The following BMAL1 variants were observed in gnomAD, a reference collection of about 807,000 sequenced individuals.
BMAL1 encodes basic helix-loop-helix ARNT like 1.
the BMAL1 span, among the ~76,000 whole-genome samples, chr11:13,333,935 A>T: frequency 6.6e-6 from 1 of 152,148 alleles, no homozygotes; most frequent in Admixed American, 6.5e-5. Flanking sequence ...CACAAGGTTT[A>T]TGTTCTCCAG....
chr11:13,280,935 G>T, the BMAL1 span, among the ~76,000 whole-genome samples: 29 of 152,182 alleles, frequency 1.9e-4, no homozygotes, highest in Non-Finnish European at 3.7e-4. Context: ...GGGCTCTGGT[G>T]GCAGAAGAAT....
At chr11:13,313,960 C>T in the BMAL1 span, among the ~76,000 whole-genome samples, 389 of 145,412 alleles carry the variant, frequency 2.7e-3, no homozygotes, top group Non-Finnish European at 4.0e-3. Flanking sequence ...TAGCTACCAA[C>T]AGCCATCACC....
chr11:13,320,643 A>G, the BMAL1 span, among the ~76,000 whole-genome samples: 3 of 152,244 alleles, frequency 2.0e-5, no homozygotes, highest in Non-Finnish European at 4.4e-5. Flanking sequence ...TAAACAGTGT[A>G]TAAATATGAG....
At chr11:13,368,281 A>G in the BMAL1 span, among the ~76,000 whole-genome samples, 1 of 152,262 alleles carries the variant, frequency 6.6e-6, no homozygotes, top group Non-Finnish European at 1.5e-5. Context: ...AAGGACAGGC[A>G]TCACTGAGTA....
the BMAL1 span, among the ~76,000 whole-genome samples, chr11:13,280,334 C>T: frequency 6.6e-6 from 1 of 152,242 alleles, no homozygotes; most frequent in African/African-American, 2.4e-5. Context: ...TATCCCTTCA[C>T]ACCAACAATC....
chr11:13,355,359 T>C, the BMAL1 span: 16 of 1,488,356 alleles, frequency 1.1e-5, no homozygotes, highest in Admixed American at 6.7e-5. Context: ...GTATGAGGGC[T>C]GTGAGGGCGT....
chr11:13,291,817 A>G, the BMAL1 span, among the ~76,000 whole-genome samples: 1 of 152,232 alleles, frequency 6.6e-6, no homozygotes, highest in African/African-American at 2.4e-5. Flanking sequence ...ACTCTGTATG[A>G]TACAGAATAC....
At chr11:13,334,904 C>T in the BMAL1 span, among the ~76,000 whole-genome samples, 4 of 152,248 alleles carry the variant, frequency 2.6e-5, no homozygotes, top group Non-Finnish European at 4.4e-5. Context: ...CAGCCATACA[C>T]TGACAGGGCC....
the BMAL1 span, chr11:13,378,463 G>T: frequency 6.2e-7 from 1 of 1,601,996 alleles, no homozygotes; most frequent in Non-Finnish European, 8.5e-7. Context: ...ACACCTTCTA[G>T]TTCCTCTGTT....
chr11:13,286,638 C>T, the BMAL1 span, among the ~76,000 whole-genome samples: 61 of 152,284 alleles, frequency 4.0e-4, no homozygotes, highest in Middle Eastern at 3.4e-3. Flanking sequence ...AGCAGTTCCC[C>T]ATGTGCAGAG....
the BMAL1 span, chr11:13,386,694 T>C: frequency 6.2e-7 from 1 of 1,614,188 alleles, no homozygotes; most frequent in African/African-American, 1.3e-5. Context: ...CATGAGCCTC[T>C]TGGAAGCAGA....
the BMAL1 span, among the ~76,000 whole-genome samples, chr11:13,311,008 C>T: frequency 1.9e-4 from 29 of 152,118 alleles, no homozygotes; most frequent in Admixed American, 1.8e-3. Flanking sequence ...GAACCAATAG[C>T]GTTTTCAGTC....
At chr11:13,356,884 G>T in the BMAL1 span, 1 of 1,597,784 alleles carries the variant, frequency 6.3e-7, no homozygotes, top group Non-Finnish European at 8.5e-7. Context: ...AACTGGAGAT[G>T]AGCAAGGAGG....
the BMAL1 span, among the ~76,000 whole-genome samples, chr11:13,328,627 A>G: frequency 6.6e-6 from 1 of 152,244 alleles, no homozygotes; most frequent in Non-Finnish European, 1.5e-5. Context: ...CTATGCTGCC[A>G]GTGTCCTCTG....
chr11:13,297,472 C>T, the BMAL1 span, among the ~76,000 whole-genome samples: 1 of 152,202 alleles, frequency 6.6e-6, no homozygotes, highest in East Asian at 1.9e-4. Flanking sequence ...AGGACAAGAG[C>T]GCAGCAGGGA....
chr11:13,317,764 T>C, the BMAL1 span, among the ~76,000 whole-genome samples: 1 of 152,250 alleles, frequency 6.6e-6, no homozygotes, highest in Non-Finnish European at 1.5e-5. Flanking sequence ...TTGTTTTTTA[T>C]CTCCATTCCC....
the BMAL1 span, among the ~76,000 whole-genome samples, chr11:13,368,246 G>A: frequency 6.6e-6 from 1 of 152,154 alleles, no homozygotes; most frequent in African/African-American, 2.4e-5. Context: ...CATAGAGAAC[G>A]GATGATTAAT....
the BMAL1 span, among the ~76,000 whole-genome samples, chr11:13,352,368 G>A: frequency 1.3e-5 from 2 of 152,216 alleles, no homozygotes; most frequent in Non-Finnish European, 2.9e-5. Flanking sequence ...AGGTGAACAC[G>A]GGGTAGGAGG....
the BMAL1 span, among the ~76,000 whole-genome samples, chr11:13,296,242 A>G: frequency 6.6e-6 from 1 of 152,138 alleles, no homozygotes; most frequent in South Asian, 2.1e-4. Flanking sequence ...AACATCAGTG[A>G]TGGGGCTTTC....
Sources: gnomAD v4.1 joint callset for allele counts (sites outside exome capture counted in the v4.1 genomes callset) on GRCh38, gnomAD v4.1.1 for gene constraint, MANE v1.5 for transcripts, NCBI Gene and HGNC (gene_info 2026-07-23, HGNC 2026-07-21) for gene names.